The following ANO10 variants were observed in gnomAD, a reference collection of about 807,000 sequenced individuals.
ANO10 encodes anoctamin 10, also known as anoctamin-10.
In ANO10, 77 loss-of-function variants were observed where a neutral mutation model predicts 74.7. The observed-to-expected ratio is 1.03, with a 90% CI of 0.86 to 1.25. ANO10 has a LOEUF of 1.25. ANO10 is among the 50% of genes most tolerant of loss of function. The pLI, the probability that ANO10 is intolerant of heterozygous loss-of-function variation, is 0.00. For synonymous variants in ANO10, 279 were observed against 284.9 expected (o/e 0.98, Z 0.21); for missense variants, 721 against 778.1 (o/e 0.93, Z 0.87).
At chr3:43,647,153 A>ATGTTTGTGTGTGTGTG (rs2083734593) in intron 1 of ANO10, among the ~76,000 whole-genome samples, 1 of 141,790 alleles carries the variant, frequency 7.1e-6, no homozygotes, top group Non-Finnish European at 1.5e-5. Flanking sequence ...ATGTGTATAT[A>ATGTTTGTGTGTGTGTG]TGTGTGTGTG....
chr3:43,561,963 A>AT (rs1290009755), intron 8 of ANO10, among the ~76,000 whole-genome samples: 10 of 152,234 alleles, frequency 6.6e-5, no homozygotes, highest in African/African-American at 2.4e-4. Context: ...GTTTGGCTAA[A>AT]TTCTTTTTTA....
intron 12 of ANO10, among the ~76,000 whole-genome samples, chr3:43,381,552 G>C (rs2091958602): frequency 6.6e-6 from 1 of 152,084 alleles, no homozygotes; most frequent in African/African-American, 2.4e-5. Context: ...TAACACTAGA[G>C]CTCCCAAATT....
chr3:43,550,830 C>A (rs1320003861), intron 10 of ANO10, among the ~76,000 whole-genome samples: 1 of 151,988 alleles, frequency 6.6e-6, no homozygotes, highest in African/African-American at 2.4e-5. Flanking sequence ...TTTCCCTTGT[C>A]CCCTTTTCTT....
chr3:43,543,914 G>C (rs1281696715), intron 11 of ANO10, among the ~76,000 whole-genome samples: 3 of 152,054 alleles, frequency 2.0e-5, no homozygotes, highest in Non-Finnish European at 2.9e-5. Context: ...AAATTTAGTA[G>C]GTAAATTGTC....
At chr3:43,479,569 G>C (rs2076191585) in intron 11 of ANO10, among the ~76,000 whole-genome samples, 1 of 152,192 alleles carries the variant, frequency 6.6e-6, no homozygotes, top group African/African-American at 2.4e-5. Flanking sequence ...AGGGAAAAAG[G>C]AAAGTTGAAG....
At chr3:43,588,154 C>A (rs1290329916) in intron 4 of ANO10, among the ~76,000 whole-genome samples, 5 of 152,156 alleles carry the variant, frequency 3.3e-5, no homozygotes, top group Non-Finnish European at 7.4e-5. Flanking sequence ...AAATCTTAAA[C>A]TTCATCCAGA....
chr3:43,684,339 A>G (rs1478903137), intron 1 of ANO10, among the ~76,000 whole-genome samples: 4 of 152,266 alleles, frequency 2.6e-5, no homozygotes, highest in Non-Finnish European at 5.9e-5. Context: ...AATGCTCATC[A>G]TCACTGGTTA....
At chr3:43,564,769 G>T (rs1361991835) in intron 8 of ANO10, among the ~76,000 whole-genome samples, 3 of 152,178 alleles carry the variant, frequency 2.0e-5, no homozygotes. Context: ...TTCCAGAGAT[G>T]TATCAATCTC....
intron 11 of ANO10, among the ~76,000 whole-genome samples, chr3:43,526,727 T>C (rs1194890159): frequency 6.6e-6 from 1 of 152,150 alleles, no homozygotes; most frequent in Admixed American, 6.5e-5. Flanking sequence ...TCTGTATCTA[T>C]GCTACACCTT....
intron 11 of ANO10, among the ~76,000 whole-genome samples, chr3:43,480,269 A>C (rs929445572): frequency 3.3e-5 from 5 of 152,242 alleles, no homozygotes; most frequent in African/African-American, 4.8e-5. Flanking sequence ...GCCAGAAATA[A>C]AGATAGAACA....
intron 11 of ANO10, chr3:43,484,936 GTT>G: frequency 1.2e-6 from 1 of 866,132 alleles, no homozygotes; most frequent in Non-Finnish European, 1.8e-6. Flanking sequence ...GCGTTCCTGA[GTT>G]TATTTGGGGC....
chr3:43,371,687 C>T (rs536742631), intron 12 of ANO10, among the ~76,000 whole-genome samples: 1 of 152,304 alleles, frequency 6.6e-6, no homozygotes, highest in South Asian at 2.1e-4. Context: ...CTTGCAACCA[C>T]AAGCAAGGGC....
intron 1 of ANO10, among the ~76,000 whole-genome samples, chr3:43,679,300 G>A (rs1206416304): frequency 2.6e-5 from 4 of 152,206 alleles, no homozygotes; most frequent in African/African-American, 9.6e-5. Context: ...TATATCCCGT[G>A]CATGGCTCGG....
chr3:43,370,815 A>G (rs961968054), intron 12 of ANO10, among the ~76,000 whole-genome samples: 1 of 152,196 alleles, frequency 6.6e-6, no homozygotes, highest in Non-Finnish European at 1.5e-5. Context: ...GAACCTAATC[A>G]TTAAGTGTGT....
At chr3:43,433,162 G>A (rs2093016022) in intron 11 of ANO10, among the ~76,000 whole-genome samples, 1 of 151,618 alleles carries the variant, frequency 6.6e-6, no homozygotes, top group Non-Finnish European at 1.5e-5. Flanking sequence ...GGTCAGACTG[G>A]TCTCAAACTC....
At chr3:43,528,456 A>C (rs17075762) in intron 11 of ANO10, among the ~76,000 whole-genome samples, 3,747 of 152,228 alleles carry the variant, frequency 0.025, 151 homozygotes, top group African/African-American at 0.084. Flanking sequence ...AAAAATATCT[A>C]ACAAATGAAC....
chr3:43,623,708 C>A (rs1182668523), upstream of ANO10, among the ~76,000 whole-genome samples: 2 of 152,188 alleles, frequency 1.3e-5, no homozygotes, highest in East Asian at 3.8e-4. Flanking sequence ...AAGAAAGGAG[C>A]AGAAGACTCG....
chr3:43,379,563 C>T (rs902959046), intron 12 of ANO10, among the ~76,000 whole-genome samples: 5 of 152,126 alleles, frequency 3.3e-5, no homozygotes, highest in African/African-American at 1.2e-4. Context: ...GTGGGACAGC[C>T]AGGAACTGTG....
intron 12 of ANO10, 44 bp from the exon 13 acceptor site, chr3:43,367,018 A>G: frequency 6.4e-7 from 1 of 1,552,384 alleles, no homozygotes. Context: ...CAGAAGCCTA[A>G]GTAGTGGCCG....
Sources: gnomAD v4.1 joint callset for allele counts (sites outside exome capture counted in the v4.1 genomes callset) on GRCh38, gnomAD v4.1.1 for gene constraint, MANE v1.5 for transcripts, NCBI Gene and HGNC (gene_info 2026-07-23, HGNC 2026-07-21) for gene names.